DOCK11: variants seen among roughly 807,000 people sequenced by gnomAD.
The protein encoded by DOCK11 is dedicator of cytokinesis 11.
DOCK11 carries 70 observed loss-of-function variants against 169.1 expected under a neutral mutation model. The observed-to-expected ratio is 0.41, with a 90% CI of 0.34 to 0.51. The LOEUF (loss-of-function observed/expected upper bound fraction) is 0.51. Among genes scored for constraint, DOCK11 ranks in the 20% least tolerant of loss-of-function variants. The pLI is 0.10. For synonymous variants in DOCK11, 529 were observed against 541.3 expected, an observed-to-expected ratio of 0.98 and a Z score of 0.32; for missense variants, 1,166 against 1,538.8, an observed-to-expected ratio of 0.76 and a Z score of 4.05.
intron 5 of DOCK11, 119 bp from the exon 6 acceptor site, chrX:118,545,901 AG>A (rs2012255277): frequency 2.1e-6 from 1 of 478,520 alleles, no homozygotes; most frequent in East Asian, 3.5e-5. Context: ...CTCACGGGGA[AG>A]AGGGGACTTT....
intron 12 of DOCK11, among the ~76,000 whole-genome samples, chrX:118,576,257 G>A (rs145865439): frequency 0.025 from 2,824 of 111,449 alleles, 96 homozygotes; most frequent in East Asian, 0.14. Context: ...TAGCGGGAGG[G>A]GCCAGCAAAG....
At chrX:118,602,693 A>G (rs939883491) in intron 23 of DOCK11, among the ~76,000 whole-genome samples, 2 of 110,912 alleles carry the variant, frequency 1.8e-5, no homozygotes, top group Non-Finnish European at 3.8e-5. Context: ...GGCATGCACC[A>G]ATATGCCTGG....
At chrX:118,505,868 G>T (rs2057607808) in intron 1 of DOCK11, among the ~76,000 whole-genome samples, 1 of 112,411 alleles carries the variant, frequency 8.9e-6, no homozygotes, top group Non-Finnish European at 1.9e-5. Flanking sequence ...ATGCCAGCCT[G>T]TTCAGTGTGA....
intron 1 of DOCK11, among the ~76,000 whole-genome samples, chrX:118,534,292 T>C (rs1435143944): frequency 8.9e-6 from 1 of 112,304 alleles, no homozygotes; most frequent in Non-Finnish European, 1.9e-5. Flanking sequence ...CATTTGTAGG[T>C]AATCAAGGTT....
At chrX:118,663,674 C>CTTTTT (rs751159854) in intron 45 of DOCK11, among the ~76,000 whole-genome samples, 8 of 60,030 alleles carry the variant, frequency 1.3e-4, no homozygotes, top group African/African-American at 1.9e-4. Context: ...GCATCAAAGT[C>CTTTTT]TTTTTTTTTT....
intron 1 of DOCK11, among the ~76,000 whole-genome samples, chrX:118,511,270 A>AT (rs2057649751): frequency 8.9e-6 from 1 of 112,121 alleles, no homozygotes. Context: ...CAAAATACAC[A>AT]TTCACTATCT....
At chrX:118,596,833 T>TC (rs2014182193) in intron 20 of DOCK11, among the ~76,000 whole-genome samples, 1 of 112,105 alleles carries the variant, frequency 8.9e-6, no homozygotes, top group Non-Finnish European at 1.9e-5. Flanking sequence ...CTACACCTCT[T>TC]CCTTCTGTAA....
Position 118,615,636 on chromosome X carries a change from A to G in DOCK11, c.3217A>G (p.Ile1073Val), listed in dbSNP as rs1278770931. The G allele has an allele frequency of 1.7e-6, 2 of 1,210,061 alleles. No individual in the cohort carries two copies. The highest frequency in any genetic ancestry group is 1.8e-5 in the South Asian group (1 of 56,529). Residue 1073 changes from isoleucine to valine, a missense_variant, in exon 30 of 53, where the codon ATT becomes GTT. By Grantham distance (29) the Ile-to-Val change is conservative. Transcript: ENST00000276202. ...ATACAAGTTTGAATTTCTGCAAACA[A>G]TTTGCAATCACGAACATTACATTCC... ...AEYKFEFLQT[I>V]CNHEHYIPLN...
intron 6 of DOCK11, among the ~76,000 whole-genome samples, chrX:118,546,725 A>G (rs1195170655): frequency 8.9e-6 from 1 of 111,908 alleles, no homozygotes; most frequent in Non-Finnish European, 1.9e-5. Flanking sequence ...GCAGTAGCTC[A>G]CACCTGTAGT....
intron 45 of DOCK11, among the ~76,000 whole-genome samples, chrX:118,667,047 G>A (rs763175006): frequency 6.3e-5 from 7 of 111,344 alleles, no homozygotes; most frequent in Admixed American, 2.9e-4. Context: ...TCTTTTATCC[G>A]TTTTAGAAAT....
rs948611515 is a variant in DOCK11, at chrX:118,648,229, A to G, written c.4399-716A>G. On this transcript the variant is annotated intron_variant, in intron 40 of 52. Coordinates refer to ENST00000276202, the MANE Select transcript of DOCK11 (RefSeq NM_144658.4). ...ATATTATAATATTATATAATAATATAATATATATATAAAAGTAATTGCGGT... is the reference window on the plus strand; with the variant it reads ...ATATTATAATATTATATAATAATATGATATATATATAAAAGTAATTGCGGT... Among the ~76,000 whole-genome samples the G allele has an allele frequency of 2.0e-4, 17 of 84,748 alleles. No individual in the cohort carries two copies. In the East Asian group the frequency reaches 5.6e-3, roughly 28 times the overall value. 73.6% of individuals were successfully genotyped at this position (84,748 alleles called of 115,157 possible). A position where few individuals can be genotyped will look rare whatever the true frequency, so the allele number is the denominator to read the frequency against.
chrX:118,599,191 C>T lies in DOCK11; in HGVS notation c.2525C>T (p.Ser842Leu), dbSNP rs139561772. The T allele has an allele frequency of 2.7e-3, 3,229 of 1,207,597 alleles. 7 individuals carry two copies. The highest frequency in any genetic ancestry group is 3.2e-3 in the Non-Finnish European group (2,883 of 893,866). ...FHHCQLIQSG[S>L]KEVPGELIKY... ...CATTGCCAGCTGATTCAGTCAGGCT[C>T]GAAAGAAGTTCCAGGGGAGCTCATT... is the stretch of plus-strand genomic sequence containing the variant. Residue 842 changes from serine to leucine, a missense_variant, in exon 23 of 53, where the codon TCG becomes TTG. Ser to Leu is a moderately radical substitution (Grantham distance 145, BLOSUM62 -2). Transcript: ENST00000276202.
chrX:118,498,950 GCAGA>G (rs2057555665), intron 1 of DOCK11, among the ~76,000 whole-genome samples: 2 of 111,209 alleles, frequency 1.8e-5, no homozygotes, highest in Non-Finnish European at 1.9e-5. Context: ...ACATAATAAA[GCAGA>G]CAGAGAGACT....
chrX:118,520,022 C>CA (rs1319954955), intron 1 of DOCK11, among the ~76,000 whole-genome samples: 1 of 111,509 alleles, frequency 9.0e-6, no homozygotes, highest in Non-Finnish European at 1.9e-5. Flanking sequence ...CCTTGTCACT[C>CA]AAAAAATTTA....
chrX:118,555,738 T>C (rs1351951384), intron 6 of DOCK11, among the ~76,000 whole-genome samples: 1 of 110,481 alleles, frequency 9.1e-6, no homozygotes, highest in African/African-American at 3.3e-5. Context: ...TTTTCCCCAT[T>C]GTTTCTTTCA....
intron 42 of DOCK11, among the ~76,000 whole-genome samples, chrX:118,652,520 G>A (rs1354792265): frequency 9.0e-6 from 1 of 111,542 alleles, no homozygotes; most frequent in Non-Finnish European, 1.9e-5. Context: ...GATGAGAAAT[G>A]GCACAGAAGG....
chrX:118,512,727 T>C (rs1249550765), intron 1 of DOCK11, among the ~76,000 whole-genome samples: 1 of 111,462 alleles, frequency 9.0e-6, no homozygotes, highest in Non-Finnish European at 1.9e-5. Context: ...GTGCTAGGTC[T>C]GCCTGCCCTC....
chrX:118,632,361 T>C (rs1268222218), intron 35 of DOCK11: 1 of 112,338 alleles, frequency 8.9e-6, no homozygotes, highest in Non-Finnish European at 1.9e-5. Context: ...TCTTTGTTAA[T>C]TAGGTTTTGT....
At position 118,496,641 on chromosome X, in the gene DOCK11, C is replaced by A. The variant is rs1603011720; in HGVS notation, c.102+568C>A. 2.7e-5 allele frequency among the ~76,000 whole-genome samples: 3 copies of A among 112,066 alleles called. No individual in the cohort carries two copies. The East Asian group carries it at 8.5e-4, about 32-fold the overall frequency. ...GAAGCAGAGCGACTTCCTCCTGCAA[C>A]TGGGGAGAGAGGGTGGTGATGGGTG... On this transcript the variant is annotated intron_variant, in intron 1 of 52. Transcript: ENST00000276202.
Sources: gnomAD v4.1 joint callset for allele counts (sites outside exome capture counted in the v4.1 genomes callset) on GRCh38, gnomAD v4.1.1 for gene constraint, MANE v1.5 for transcripts, NCBI Gene and HGNC (gene_info 2026-07-23, HGNC 2026-07-21) for gene names.